Variants in LRRC1 observed in about 807,000 individuals in gnomAD.
LRRC1 encodes leucine-rich repeat-containing protein 1.
In LRRC1, 28 loss-of-function variants were observed where a neutral mutation model predicts 69.9. That is an observed-to-expected ratio of 0.40 (90% CI 0.30 to 0.55). LRRC1 has a LOEUF of 0.55. LRRC1 is among the 20% of genes least tolerant of loss of function. The pLI, the probability that LRRC1 is intolerant of heterozygous loss-of-function variation, is 0.47. For synonymous variants in LRRC1, 236 were observed against 240.2 expected (o/e 0.98, Z 0.16); for missense variants, 498 against 609.0 (o/e 0.82, Z 1.92).
chr6:53,829,177 A>G (rs2127411735), intron 1 of LRRC1, among the ~76,000 whole-genome samples: 1 of 152,312 alleles, frequency 6.6e-6, no homozygotes, highest in South Asian at 2.1e-4. Context: ...GACTTTGAAC[A>G]TGAGTCTGAA....
chr6:53,920,903 G>A, intron 13 of LRRC1, 142 bp downstream of exon 13: 1 of 895,270 alleles, frequency 1.1e-6, no homozygotes, highest in South Asian at 1.8e-5. Flanking sequence ...AGAAGACAAA[G>A]ATAGGTAATT....
At chr6:53,896,602 A>G in intron 5 of LRRC1, 48 bp downstream of exon 5, 5 of 1,531,632 alleles carry the variant, frequency 3.3e-6, no homozygotes, top group Non-Finnish European at 4.5e-6. Flanking sequence ...GAATGAATTT[A>G]AGTATTTAAA....
At chr6:53,872,655 A>G (rs1050638561) in intron 2 of LRRC1, among the ~76,000 whole-genome samples, 2 of 148,848 alleles carry the variant, frequency 1.3e-5, no homozygotes, top group Non-Finnish European at 3.0e-5. Context: ...TGTTTTTTCT[A>G]TTTCTATGAA....
chr6:53,851,597 C>A (rs928447793), intron 2 of LRRC1, among the ~76,000 whole-genome samples: 7 of 152,190 alleles, frequency 4.6e-5, no homozygotes, highest in African/African-American at 1.7e-4. Flanking sequence ...TCCAGGAACA[C>A]CCTCACAGAT....
intron 2 of LRRC1, among the ~76,000 whole-genome samples, chr6:53,864,602 G>A (rs1766636003): frequency 1.3e-5 from 2 of 152,256 alleles, no homozygotes; most frequent in East Asian, 1.9e-4. Context: ...TTCTGCATCT[G>A]TTAATGGGAC....
rs139838077 is a variant in LRRC1, at chr6:53,903,212, A to G, written c.906+465A>G. Among the ~76,000 whole-genome samples, 326 of 152,270 alleles carry G rather than the reference A, an allele frequency of 2.1e-3. 1 individual carries two copies. Among genetic ancestry groups the G allele is most frequent in the African/African-American group, 7.5e-3 (310 of 41,550 alleles). Reference sequence around the variant, plus strand: ...TGGGGGCTGGGAAACGCTCTTGATCAAGGAGCCAGAGGATGGCATCTGATG... The same window carrying G: ...TGGGGGCTGGGAAACGCTCTTGATCGAGGAGCCAGAGGATGGCATCTGATG... On this transcript the variant is annotated intron_variant, in intron 9 of 13. Coordinates refer to ENST00000370888, the MANE Select transcript of LRRC1 (RefSeq NM_018214.5).
chr6:53,827,166 T>C (rs1209844966), intron 1 of LRRC1, among the ~76,000 whole-genome samples: 1 of 152,194 alleles, frequency 6.6e-6, no homozygotes, highest in Non-Finnish European at 1.5e-5. Flanking sequence ...TTTGGTTCTT[T>C]CTCTTCTGAC....
intron 1 of LRRC1, among the ~76,000 whole-genome samples, chr6:53,806,938 A>G (rs1400872259): frequency 1.3e-5 from 2 of 152,170 alleles, no homozygotes; most frequent in Non-Finnish European, 2.9e-5. Flanking sequence ...ATGAGGCAAA[A>G]TGGTTGAATT....
intron 11 of LRRC1, among the ~76,000 whole-genome samples, chr6:53,917,306 G>A (rs148009632): frequency 0.011 from 1,624 of 152,242 alleles, 18 homozygotes; most frequent in African/African-American, 0.037. Context: ...ACTTCTGTCC[G>A]CAAGACAGTG....
At chr6:53,877,125 G>T (rs55906536) in intron 2 of LRRC1, among the ~76,000 whole-genome samples, 1 of 152,122 alleles carries the variant, frequency 6.6e-6, no homozygotes, top group African/African-American at 2.4e-5. Context: ...CTGTGTACCC[G>T]CAAGCTCAAC....
chr6:53,858,522 T>C (rs1238591615), intron 2 of LRRC1, among the ~76,000 whole-genome samples: 1 of 152,224 alleles, frequency 6.6e-6, no homozygotes, highest in Admixed American at 6.5e-5. Flanking sequence ...CCACATGGCC[T>C]GACATAAATA....
At chr6:53,849,346 A>G (rs1279442962) in intron 2 of LRRC1, among the ~76,000 whole-genome samples, 3 of 152,218 alleles carry the variant, frequency 2.0e-5, no homozygotes, top group African/African-American at 2.4e-5. Context: ...AATAATTGCA[A>G]TGGTTTCTCC....
intron 1 of LRRC1, among the ~76,000 whole-genome samples, chr6:53,826,070 G>A (rs1347876244): frequency 6.6e-6 from 1 of 151,420 alleles, no homozygotes; most frequent in Non-Finnish European, 1.5e-5. Context: ...CATCTTTCTA[G>A]TGTGTCTAGA....
chr6:53,892,782 G>C (rs906955557), intron 4 of LRRC1, among the ~76,000 whole-genome samples: 1 of 152,168 alleles, frequency 6.6e-6, no homozygotes, highest in Non-Finnish European at 1.5e-5. Context: ...GGGCTGGTTG[G>C]GTTCTACATT....
chr6:53,899,985 A>T (rs2127436691), intron 8 of LRRC1, 94 bp downstream of exon 8: 9 of 761,886 alleles, frequency 1.2e-5, no homozygotes, highest in Middle Eastern at 3.0e-4. Flanking sequence ...CCACTTTCAG[A>T]TGCTGAGGAT....
At chr6:53,872,901 C>T (rs1766940167) in intron 2 of LRRC1, among the ~76,000 whole-genome samples, 1 of 151,766 alleles carries the variant, frequency 6.6e-6, no homozygotes, top group Non-Finnish European at 1.5e-5. Flanking sequence ...GGATTACAGG[C>T]ATGCACCGCT....
At chr6:53,807,260 C>T (rs1332539704) in intron 1 of LRRC1, among the ~76,000 whole-genome samples, 1 of 152,144 alleles carries the variant, frequency 6.6e-6, no homozygotes, top group African/African-American at 2.4e-5. Context: ...TCTGCCGGAT[C>T]CTGACAGACC....
At chr6:53,859,030 G>A (rs1193115755) in intron 2 of LRRC1, among the ~76,000 whole-genome samples, 1 of 152,100 alleles carries the variant, frequency 6.6e-6, no homozygotes, top group Non-Finnish European at 1.5e-5. Context: ...CTCTCTGCAT[G>A]TCAGGCACTG....
At chr6:53,874,020 T>C (rs1257188634) in intron 2 of LRRC1, among the ~76,000 whole-genome samples, 1 of 152,276 alleles carries the variant, frequency 6.6e-6, no homozygotes, top group East Asian at 1.9e-4. Flanking sequence ...TTTCAGACCA[T>C]GGCAAGCCAA....
Sources: gnomAD v4.1 joint callset for allele counts (sites outside exome capture counted in the v4.1 genomes callset) on GRCh38, gnomAD v4.1.1 for gene constraint, MANE v1.5 for transcripts, NCBI Gene and HGNC (gene_info 2026-07-23, HGNC 2026-07-21) for gene names.